The following KCNH7 variants were observed in gnomAD, a reference collection of about 807,000 sequenced individuals.
The protein encoded by KCNH7 is voltage-gated inwardly rectifying potassium channel KCNH7.
In KCNH7, 49 loss-of-function variants were observed where a neutral mutation model predicts 120.8. That is an observed-to-expected ratio of 0.41 (90% CI 0.32 to 0.51). The LOEUF is 0.51. Ranked by LOEUF, KCNH7 falls within the 20% of genes least tolerant of loss-of-function variation. KCNH7 has a pLI of 0.38. For missense variants in KCNH7, 1,097 were observed against 1,446.6 expected (o/e 0.76, Z 3.92); for synonymous variants, 547 against 516.1 (o/e 1.06, Z -0.81).
rs768266155 is a variant in KCNH7 at position 162,394,423 on chromosome 2, T to C, written c.2676A>G (p.Arg892=). 2.5e-6 allele frequency: 4 copies of C among 1,603,652 alleles called. No homozygotes were observed. In the African/African-American group the frequency reaches 5.5e-5, roughly 22 times the overall value. Residue 892 remains arginine, a synonymous_variant, in exon 12 of 16, where the codon AGA becomes AGG. Transcript: ENST00000332142. ...CTTCACTTTCAAATGACAATTTCCT[T>C]CTTCTTAGTTTACAGTTGTCTCCTT... ...DSEGDNCKLR[R]RKLSFESEGE...
chr2:162,720,173 T>G (rs751899423), intron 2 of KCNH7, among the ~76,000 whole-genome samples: 3 of 151,892 alleles, frequency 2.0e-5, no homozygotes, highest in Admixed American at 6.6e-5. Context: ...ACAGCCCTAG[T>G]GAAGAAGATT....
At chr2:162,518,994 C>T (rs1691423266) in intron 3 of KCNH7, among the ~76,000 whole-genome samples, 1 of 151,422 alleles carries the variant, frequency 6.6e-6, no homozygotes, top group South Asian at 2.1e-4. Flanking sequence ...TATATAAACT[C>T]ACTAGTAGTA....
chr2:162,671,887 T>C (rs1685372786), intron 2 of KCNH7, among the ~76,000 whole-genome samples: 1 of 152,132 alleles, frequency 6.6e-6, no homozygotes, highest in Non-Finnish European at 1.5e-5. Context: ...TGGAGATTAA[T>C]TGTTCAAAAT....
intron 2 of KCNH7, chr2:162,771,824 C>T (rs555362160): frequency 1.3e-5 from 2 of 152,006 alleles, no homozygotes; most frequent in South Asian, 2.1e-4. Context: ...TGTTATAATA[C>T]TATGTAGTTC....
intron 2 of KCNH7, among the ~76,000 whole-genome samples, chr2:162,562,024 C>A (rs893859167): frequency 2.6e-5 from 4 of 152,032 alleles, no homozygotes; most frequent in Non-Finnish European, 5.9e-5. Flanking sequence ...AACACATGGA[C>A]ACAGGGAGGG....
intron 2 of KCNH7, among the ~76,000 whole-genome samples, chr2:162,615,991 T>A (rs1039074230): frequency 2.0e-5 from 3 of 152,350 alleles, no homozygotes; most frequent in East Asian, 3.9e-4. Flanking sequence ...GGAAAATTGC[T>A]GAGATGAGTT....
chr2:162,602,538 T>A (rs530197440), intron 2 of KCNH7, among the ~76,000 whole-genome samples: 65 of 152,214 alleles, frequency 4.3e-4, no homozygotes, highest in African/African-American at 1.5e-3. Flanking sequence ...AGTCCATCGC[T>A]GCCATCACAG....
At chr2:162,785,322 C>T (rs1683657004) in intron 2 of KCNH7, among the ~76,000 whole-genome samples, 1 of 152,154 alleles carries the variant, frequency 6.6e-6, no homozygotes, top group Non-Finnish European at 1.5e-5. Flanking sequence ...CTAAATACAC[C>T]AGTTAGCAAT....
chr2:162,521,130 T>C (rs1054727351), intron 3 of KCNH7, among the ~76,000 whole-genome samples: 16 of 151,900 alleles, frequency 1.1e-4, no homozygotes, highest in East Asian at 3.9e-4. Context: ...TATGCACTTG[T>C]TGATTTTCTG....
At chr2:162,820,140 C>CG in intron 2 of KCNH7, among the ~76,000 whole-genome samples, 1 of 147,780 alleles carries the variant, frequency 6.8e-6, no homozygotes, top group Admixed American at 6.9e-5. Flanking sequence ...CCTGGGTTCA[C>CG]GCCATTCTCC....
intron 7 of KCNH7, among the ~76,000 whole-genome samples, chr2:162,444,166 T>C (rs1688510712): frequency 6.6e-6 from 1 of 152,174 alleles, no homozygotes; most frequent in South Asian, 2.1e-4. Context: ...TGTTGGTTTG[T>C]TTATTAATGG....
At chr2:162,548,891 T>C (rs1692571122) in intron 2 of KCNH7, among the ~76,000 whole-genome samples, 1 of 152,204 alleles carries the variant, frequency 6.6e-6, no homozygotes, top group Admixed American at 6.5e-5. Context: ...GAGTTATCAT[T>C]ATCATAAAGA....
intron 6 of KCNH7, among the ~76,000 whole-genome samples, chr2:162,448,565 T>G (rs1041843387): frequency 1.3e-5 from 2 of 152,116 alleles, no homozygotes; most frequent in Non-Finnish European, 2.9e-5. Flanking sequence ...AATAAGTCAC[T>G]TTTAATGACA....
intron 2 of KCNH7, among the ~76,000 whole-genome samples, chr2:162,642,798 T>C (rs185712372): frequency 6.6e-6 from 1 of 152,248 alleles, no homozygotes; most frequent in East Asian, 1.9e-4. Context: ...GCTATTCCTG[T>C]AGAATGGAGA....
In KCNH7 at chr2:162,454,594, T is replaced by C. The variant is rs149819464; in HGVS notation, c.1129-8151A>G. ...TCTTCCCATCCATGAGCATGGAATG[T>C]TTTTCCATTTGTTTGTGTCCTCTCT... On this transcript the variant is annotated intron_variant, in intron 6 of 15. Coordinates refer to ENST00000332142, the MANE Select transcript of KCNH7 (RefSeq NM_033272.4). Among the ~76,000 whole-genome samples the C allele has an allele frequency of 2.6e-3, 395 of 152,264 alleles. 1 individual carries two copies. Among genetic ancestry groups the C allele is most frequent in the African/African-American group, 8.9e-3 (368 of 41,562 alleles).
At chr2:162,584,935 G>A (rs1216077528) in intron 2 of KCNH7, among the ~76,000 whole-genome samples, 2 of 144,408 alleles carry the variant, frequency 1.4e-5, no homozygotes, top group Non-Finnish European at 3.0e-5. Context: ...TAAAGCAAGA[G>A]CTCTACCTGT....
intron 2 of KCNH7, among the ~76,000 whole-genome samples, chr2:162,752,851 A>C (rs1277283074): frequency 6.7e-6 from 1 of 148,184 alleles, no homozygotes; most frequent in African/African-American, 2.5e-5. Flanking sequence ...CAGTGAGCCG[A>C]GATTGCGCCA....
At position 162,665,826 on chromosome 2, in the gene KCNH7, T is replaced by C. The variant is rs369671718; in HGVS notation, c.308-128746A>G. Among the ~76,000 whole-genome samples, 72 of 152,278 alleles carry C rather than the reference T, an allele frequency of 4.7e-4. 1 individual carries two copies. The East Asian group carries it at 6.2e-3, about 13-fold the overall frequency. ...CTATGCAGGGAGTCATCTTCGCTTC[T>C]TTGCATATTTTTTCCTCACCAACTC... On this transcript the variant is annotated intron_variant, in intron 2 of 15. Transcript: ENST00000332142.
intron 2 of KCNH7, among the ~76,000 whole-genome samples, chr2:162,713,889 C>T (rs145110849): frequency 2.0e-5 from 3 of 152,278 alleles, no homozygotes; most frequent in African/African-American, 4.8e-5. Flanking sequence ...GCTGGGATTA[C>T]AGGCGCCTGC....
Sources: gnomAD v4.1 joint callset for allele counts (sites outside exome capture counted in the v4.1 genomes callset) on GRCh38, gnomAD v4.1.1 for gene constraint, MANE v1.5 for transcripts, NCBI Gene and HGNC (gene_info 2026-07-23, HGNC 2026-07-21) for gene names.